The following CPEB3 variants were observed in gnomAD, a reference collection of about 807,000 sequenced individuals.
CPEB3 encodes cytoplasmic polyadenylation element-binding protein 3.
In CPEB3, 20 loss-of-function variants were observed where a neutral mutation model predicts 67.2. That is an observed-to-expected ratio of 0.30 (90% CI 0.21 to 0.43). CPEB3 has a LOEUF of 0.43. CPEB3 is among the 20% of genes least tolerant of loss of function. CPEB3 has a pLI of 1.00. For missense variants in CPEB3, 746 were observed against 968.6 expected, an observed-to-expected ratio of 0.77 and a Z score of 3.05; for synonymous variants, 376 against 393.1, an observed-to-expected ratio of 0.96 and a Z score of 0.51.
At chr10:92,132,172 G>A (rs1024795304) in intron 6 of CPEB3, among the ~76,000 whole-genome samples, 1 of 152,102 alleles carries the variant, frequency 6.6e-6, no homozygotes, top group Non-Finnish European at 1.5e-5. Context: ...GCTACATACT[G>A]CAGCAAGTAG....
chr10:92,276,534 C>G (rs1841999157), intron 1 of CPEB3, among the ~76,000 whole-genome samples: 1 of 152,138 alleles, frequency 6.6e-6, no homozygotes, highest in African/African-American at 2.4e-5. Context: ...CTGCCTTGGC[C>G]TCCCAAAGTG....
chr10:92,139,178 G>A (rs1311970328), intron 6 of CPEB3, among the ~76,000 whole-genome samples: 1 of 151,998 alleles, frequency 6.6e-6, no homozygotes, highest in Non-Finnish European at 1.5e-5. Flanking sequence ...TCGGGAGGCT[G>A]AGGCAGGAGA....
At chr10:92,192,342 A>G in intron 3 of CPEB3, 135 bp downstream of exon 3, 2 of 811,006 alleles carry the variant, frequency 2.5e-6, no homozygotes, top group Non-Finnish European at 3.8e-6. Context: ...TCAACTTTAA[A>G]TACATTCCAC....
chr10:92,218,600 A>G (rs1275667195), intron 2 of CPEB3, among the ~76,000 whole-genome samples: 2 of 152,208 alleles, frequency 1.3e-5, no homozygotes, highest in African/African-American at 4.8e-5. Context: ...TCTGTGTTTT[A>G]ATGAAAACCA....
At chr10:92,118,270 T>A (rs1044813781) in intron 6 of CPEB3, among the ~76,000 whole-genome samples, 1 of 152,138 alleles carries the variant, frequency 6.6e-6, no homozygotes, top group Non-Finnish European at 1.5e-5. Flanking sequence ...TAGCTGGGAT[T>A]ACAGGCATGC....
chr10:92,266,263 G>T (rs1037221799), intron 1 of CPEB3, among the ~76,000 whole-genome samples: 1 of 152,124 alleles, frequency 6.6e-6, no homozygotes, highest in African/African-American at 2.4e-5. Context: ...GCATTCCTTT[G>T]AAACATCCCA....
Position 92,249,756 on chromosome 10 carries a change from A to G in CPEB3, c.-11-9395T>C, listed in dbSNP as rs1338527849. On this transcript the variant is annotated intron_variant, in intron 1 of 9. Transcript: ENST00000265997. ...ATTTTTGGGCCAGGAGCGGTGGCTC[A>G]TGCCTGTATTCCCAGCACTTTGGGA... is the stretch of plus-strand genomic sequence containing the variant. Among the ~76,000 whole-genome samples the G allele has an allele frequency of 3.3e-5, 5 of 152,250 alleles. No individual in the cohort carries two copies. In the South Asian group the frequency reaches 6.2e-4, roughly 19 times the overall value.
chr10:92,181,155 C>G, intron 3 of CPEB3, 136 bp from the exon 4 acceptor site: 1 of 504,182 alleles, frequency 2.0e-6, no homozygotes, highest in Non-Finnish European at 3.5e-6. Flanking sequence ...GCAGTTACAA[C>G]AGTTTTAAAA....
chr10:92,151,484 C>T (rs55644232), intron 4 of CPEB3, among the ~76,000 whole-genome samples: 1,987 of 152,262 alleles, frequency 0.013, 48 homozygotes, highest in African/African-American at 0.045. Context: ...AAACATTTCA[C>T]TTATGGTCTC....
Position 92,091,888 on chromosome 10 carries a change from C to G in CPEB3, c.1629G>C (p.Gln543His). The G allele has an allele frequency of 1.9e-6, 3 of 1,613,892 alleles. No homozygotes were observed. The highest frequency in any genetic ancestry group is 2.5e-6 in the Non-Finnish European group (3 of 1,179,940). Reference protein sequence around the residue: ...SDSDFVMDGSQPLDPRKTIFV... With the variant: ...SDSDFVMDGSHPLDPRKTIFV... ...AGATAGTTTTTCTGGGGTCCAAAGG[C>G]TGAGAACCATCCATTACAAAGTCAC... is the stretch of plus-strand genomic sequence containing the variant. The change falls in exon 8 of 10, where the codon CAG becomes CAC. Residue 543 changes from glutamine (Q) to histidine (H), a missense_variant. Transcript: ENST00000265997.
intron 2 of CPEB3, among the ~76,000 whole-genome samples, chr10:92,203,500 ATG>A (rs1373928836): frequency 1.4e-5 from 2 of 140,386 alleles, no homozygotes; most frequent in East Asian, 3.9e-4. Flanking sequence ...GTGTATATAT[ATG>A]TGTGTGTATA....
At chr10:92,200,984 A>C (rs1849496730) in intron 2 of CPEB3, among the ~76,000 whole-genome samples, 1 of 152,228 alleles carries the variant, frequency 6.6e-6, no homozygotes, top group East Asian at 1.9e-4. Flanking sequence ...AACTGTATAA[A>C]AAGTACAAAT....
At chr10:92,287,888 C>T (rs1842606346) in intron 1 of CPEB3, among the ~76,000 whole-genome samples, 1 of 152,108 alleles carries the variant, frequency 6.6e-6, no homozygotes, top group African/African-American at 2.4e-5. Context: ...CATTTCTCCC[C>T]AACTCCTTCA....
intron 2 of CPEB3, among the ~76,000 whole-genome samples, chr10:92,196,626 G>C (rs1849246765): frequency 6.6e-6 from 1 of 152,104 alleles, no homozygotes; most frequent in Non-Finnish European, 1.5e-5. Flanking sequence ...AAATCAGCCA[G>C]GCATGGTGAC....
rs766498701 is a variant in CPEB3 at position 92,081,515 on chromosome 10, A to AG, written c.1688-15_1688-14insC. On this transcript the variant is annotated splice_polypyrimidine_tract_variant and intron_variant, in intron 8 of 9. Transcript: ENST00000265997. ...TTGCCAGTTCAACTGCAAAAAAAAA[A>AG]CAAAACATGGATGTGTATAAATATC... 1.2e-6 allele frequency: 2 copies of AG among 1,606,868 alleles called. No individual in the cohort carries two copies. The highest frequency in any genetic ancestry group is 2.2e-5 in the East Asian group (1 of 44,856).
rs200936666 is a variant in CPEB3 at position 92,048,385 on chromosome 10, T to TCACA, written c.*3826_*3827insTGTG. On this transcript the variant is annotated 3_prime_UTR_variant, in exon 10 of 10. Transcript: ENST00000265997. This position sits in a 1 kb window ranked among gnomAD's most constrained non-coding sequence, Gnocchi z 4.1. ...TTTTCTCTCTCTCTCTCTCTCTCTC[T>TCACA]CTCACACACACACACACACACACGA... The TCACA allele has an allele frequency of 9.7e-3, 1,162 of 119,936 alleles. 13 individuals carry two copies. Among genetic ancestry groups the TCACA allele is most frequent in the African/African-American group, 0.035 (1,043 of 29,992 alleles). 7.4% of individuals were successfully genotyped at this position (119,936 alleles called of 1,614,324 possible). A position where few individuals can be genotyped will look rare whatever the true frequency, so the allele number is the denominator to read the frequency against.
Position 92,100,079 on chromosome 10 carries a change from G to A in CPEB3, c.1573-8135C>T, listed in dbSNP as rs911717747. ...AGGCCCAGGAGTTTGAGGTTGCAGC[G>A]AGCTATGATTAAGCCACTGCACTCC... On this transcript the variant is annotated intron_variant, in intron 7 of 9. Coordinates refer to ENST00000265997, the MANE Select transcript of CPEB3 (RefSeq NM_014912.5). 2.0e-5 allele frequency among the ~76,000 whole-genome samples: 3 copies of A among 152,028 alleles called. No homozygotes were observed. The East Asian group carries it at 5.8e-4, about 29-fold the overall frequency.
chr10:92,232,062 T>C (rs1361492515), intron 2 of CPEB3, among the ~76,000 whole-genome samples: 1 of 150,992 alleles, frequency 6.6e-6, no homozygotes, highest in Non-Finnish European at 1.5e-5. Flanking sequence ...AATTTTTTTT[T>C]TTTTTTTGAG....
chr10:92,256,188 A>T (rs1470470446), intron 1 of CPEB3, among the ~76,000 whole-genome samples: 1 of 152,132 alleles, frequency 6.6e-6, no homozygotes, highest in Admixed American at 6.6e-5. Context: ...CTGACATCCT[A>T]TCGTCTCCAT....
Sources: allele counts gnomAD v4.1 joint callset (sites outside exome capture counted in the v4.1 genomes callset), GRCh38; gene constraint gnomAD v4.1.1; non-coding constraint Gnocchi (gnomAD v3.1); transcripts MANE v1.5; gene names NCBI Gene and HGNC (gene_info 2026-07-23, HGNC 2026-07-21).